The following ELMOD2 variants were observed in gnomAD, a reference collection of about 807,000 sequenced individuals.
ELMOD2 encodes the protein ELMO domain containing 2.
A neutral mutation model predicts 41.0 loss-of-function variants in ELMOD2; 28 were observed. The ratio of observed to expected loss-of-function variants is 0.68; its 90% CI spans 0.51 to 0.94. The LOEUF is 0.94. ELMOD2 is among the 40% of genes least tolerant of loss of function. ELMOD2 has a pLI of 0.00. For missense variants in ELMOD2, 333 were observed against 343.1 expected (o/e 0.97, Z 0.23); for synonymous variants, 106 against 107.2 (o/e 0.99, Z 0.07).
intron 3 of ELMOD2, among the ~76,000 whole-genome samples, chr4:140,531,329 A>G (rs1286301024): frequency 1.3e-5 from 2 of 152,188 alleles, no homozygotes; most frequent in African/African-American, 2.4e-5. Flanking sequence ...AGGACTATTT[A>G]TCAATTAGAT....
chr4:140,542,505 A>G, intron 6 of ELMOD2, 69 bp from the exon 7 acceptor site: 1 of 1,188,124 alleles, frequency 8.4e-7, no homozygotes, highest in Non-Finnish European at 1.2e-6. Flanking sequence ...GTAGCTTTTT[A>G]AATTGGTTCT....
intron 2 of ELMOD2, 34 bp from the exon 3 acceptor site, chr4:140,527,432 T>C (rs759491298): frequency 6.6e-7 from 1 of 1,515,652 alleles, no homozygotes; most frequent in Non-Finnish European, 9.0e-7. Context: ...AGCATTTAAG[T>C]GATAACATCT....
chr4:140,544,400 G>C (rs2321273), intron 8 of ELMOD2, among the ~76,000 whole-genome samples: 101,194 of 151,950 alleles, frequency 0.67, 35,116 homozygotes, highest in East Asian at 0.79. Context: ...GCATGTGTCT[G>C]TTTCTTTCTA....
intron 3 of ELMOD2, among the ~76,000 whole-genome samples, chr4:140,533,822 A>C (rs1006252915): frequency 6.6e-6 from 1 of 152,022 alleles, no homozygotes; most frequent in African/African-American, 2.4e-5. Flanking sequence ...AAAAGTGTAT[A>C]TATACGTGTG....
intron 3 of ELMOD2, among the ~76,000 whole-genome samples, chr4:140,534,460 G>A (rs1734849192): frequency 1.3e-5 from 2 of 152,038 alleles, no homozygotes; most frequent in Non-Finnish European, 2.9e-5. Flanking sequence ...ATCATAGTAG[G>A]GATGTGGATT....
At chr4:140,547,080 A>G (rs1735313771) in intron 8 of ELMOD2, among the ~76,000 whole-genome samples, 1 of 152,192 alleles carries the variant, frequency 6.6e-6, no homozygotes, top group African/African-American at 2.4e-5. Flanking sequence ...TCTTAAGAGG[A>G]ACCTGTTCTA....
At chr4:140,548,894 T>G (rs1314979682) in intron 8 of ELMOD2, among the ~76,000 whole-genome samples, 1 of 152,100 alleles carries the variant, frequency 6.6e-6, no homozygotes, top group Non-Finnish European at 1.5e-5. Context: ...CTGCACATAT[T>G]ATATGACATA....
At chr4:140,531,453 T>A (rs1045720951) in intron 3 of ELMOD2, among the ~76,000 whole-genome samples, 34 of 152,368 alleles carry the variant, frequency 2.2e-4, no homozygotes, top group African/African-American at 7.7e-4. Context: ...TATATGACAA[T>A]GGAGCAAAGC....
intron 8 of ELMOD2, among the ~76,000 whole-genome samples, chr4:140,549,190 G>T (rs1358025622): frequency 2.0e-5 from 3 of 152,088 alleles, no homozygotes; most frequent in Non-Finnish European, 2.9e-5. Flanking sequence ...ATAATTTGTT[G>T]TGTGTATTAA....
At chr4:140,538,376 A>G (rs933273868) in intron 5 of ELMOD2, among the ~76,000 whole-genome samples, 2 of 152,244 alleles carry the variant, frequency 1.3e-5, no homozygotes, top group Non-Finnish European at 2.9e-5. Context: ...CTGTGGAAAC[A>G]ACATTGATAC....
intron 5 of ELMOD2, 122 bp downstream of exon 5, chr4:140,537,663 CT>C: frequency 8.6e-7 from 1 of 1,169,484 alleles, no homozygotes; most frequent in Non-Finnish European, 1.2e-6. Flanking sequence ...TTTCTTTGCC[CT>C]TAGAGAATTT....
chr4:140,549,380 T>G (rs923162463), intron 8 of ELMOD2, among the ~76,000 whole-genome samples: 2 of 152,090 alleles, frequency 1.3e-5, no homozygotes, highest in African/African-American at 2.4e-5. Flanking sequence ...TGTGTGTGTA[T>G]AAACAAGTTC....
rs1252590882 is a variant in ELMOD2, at chr4:140,551,619, TCTC to T, written c.*1247_*1249del. On this transcript the variant is annotated 3_prime_UTR_variant, in exon 9 of 9. Transcript: ENST00000323570. ...AAGTTTAAAGCAGCAAAGTTTAAGT[TCTC>T]CTTAAATCCTACAGAAACCAACCTT... The T allele has an allele frequency of 1.3e-5, 2 of 152,114 alleles. No individual in the cohort carries two copies. Among genetic ancestry groups the T allele is most frequent in the Admixed American group, 6.6e-5 (1 of 15,264 alleles). The allele number at this position is 152,114 out of a possible 1,614,324, so 9.4% of individuals were successfully genotyped here.
At position 140,525,520 on chromosome 4, in the gene ELMOD2, T is replaced by C; in HGVS notation, c.92T>C (p.Leu31Ser). Residue 31 changes from leucine to serine, a missense_variant, in exon 2 of 9, where the codon TTG becomes TCG. By Grantham distance (145) the Leu-to-Ser change is moderately radical. Transcript: ENST00000323570. The part of the protein sequence containing the change: ...LLRQMTGKCE[L>S]QRIFDTYVGA... ...CGACAGATGACTGGGAAGTGTGAAT[T>C]GCAGCGAATATTTGATACCTATGTA... 6.2e-7 allele frequency: 1 copy of C among 1,613,974 alleles called. No homozygotes were observed. The highest frequency in any genetic ancestry group is 8.5e-7 in the Non-Finnish European group (1 of 1,179,948).
chr4:140,546,461 T>A (rs892725171), intron 8 of ELMOD2, among the ~76,000 whole-genome samples: 22 of 152,008 alleles, frequency 1.4e-4, no homozygotes, highest in African/African-American at 5.3e-4. Context: ...GTTGTGCACA[T>A]GTACCCTAGA....
intron 3 of ELMOD2, among the ~76,000 whole-genome samples, chr4:140,535,006 G>A (rs1734867753): frequency 6.6e-6 from 1 of 152,146 alleles, no homozygotes; most frequent in Admixed American, 6.5e-5. Context: ...CACTCTTCCT[G>A]TACTCATATT....
chr4:140,530,822 A>G (rs139305574), intron 3 of ELMOD2, among the ~76,000 whole-genome samples: 55 of 152,188 alleles, frequency 3.6e-4, no homozygotes, highest in Non-Finnish European at 2.4e-4. Context: ...GGGTAAATCT[A>G]TTTCTCATTT....
intron 3 of ELMOD2, among the ~76,000 whole-genome samples, chr4:140,532,906 G>A (rs1252337717): frequency 1.3e-5 from 2 of 152,138 alleles, no homozygotes; most frequent in Non-Finnish European, 1.5e-5. Context: ...ATTAGTAAAT[G>A]AATTTAATAG....
chr4:140,535,917 C>G (rs965795104), intron 4 of ELMOD2, 87 bp downstream of exon 4: 2 of 1,230,088 alleles, frequency 1.6e-6, no homozygotes, highest in African/African-American at 3.1e-5. Flanking sequence ...CACTTTAGAG[C>G]TGAAGGGTTT....
Sources: allele counts gnomAD v4.1 joint callset (sites outside exome capture counted in the v4.1 genomes callset), GRCh38; gene constraint gnomAD v4.1.1; transcripts MANE v1.5; gene names NCBI Gene and HGNC (gene_info 2026-07-23, HGNC 2026-07-21).